The following OAT variants were observed in gnomAD, a reference collection of about 807,000 sequenced individuals.
The protein encoded by OAT is ornithine aminotransferase, mitochondrial.
In OAT, 35 loss-of-function variants were observed where a neutral mutation model predicts 48.4. The ratio of observed to expected loss-of-function variants is 0.72; its 90% CI spans 0.55 to 0.96. The LOEUF is 0.96. Ranked by LOEUF, OAT falls within the 40% of genes least tolerant of loss-of-function variation. OAT has a pLI of 0.00. For missense variants in OAT, 438 were observed against 537.9 expected (o/e 0.81, Z 1.84); for synonymous variants, 182 against 198.4 (o/e 0.92, Z 0.70).
intron 9 of OAT, among the ~76,000 whole-genome samples, chr10:124,399,150 A>T (rs1184798906): frequency 2.6e-5 from 4 of 152,096 alleles, no homozygotes; most frequent in Non-Finnish European, 5.9e-5. Flanking sequence ...TGAACACTAC[A>T]CATTCCAAAA....
chr10:124,416,554 T>C (rs1423173469), intron 1 of OAT, among the ~76,000 whole-genome samples: 1 of 152,196 alleles, frequency 6.6e-6, no homozygotes, highest in East Asian at 1.9e-4. Flanking sequence ...AAATTGCTCT[T>C]GGCAAGCTAG....
At chr10:124,408,035 C>T (rs1434984915) in intron 4 of OAT, among the ~76,000 whole-genome samples, 1 of 151,902 alleles carries the variant, frequency 6.6e-6, no homozygotes, top group African/African-American at 2.4e-5. Flanking sequence ...ACCAGTGAGA[C>T]TATCTAATTA....
In OAT at chr10:124,397,565, G is replaced by A. The variant is rs1183192865; in HGVS notation, c.*377C>T. On this transcript the variant is annotated 3_prime_UTR_variant, in exon 10 of 10. Coordinates refer to ENST00000368845, the MANE Select transcript of OAT (RefSeq NM_000274.4). ...CACTTTATAAGATGAAGCCTTTTAT[G>A]CAATACCCAGAGATAACTTTTTCAA... 2 of 191,948 alleles carry A rather than the reference G, an allele frequency of 1.0e-5. No individual in the cohort carries two copies. The highest frequency in any genetic ancestry group is 2.4e-5 in the African/African-American group (1 of 42,114). 11.9% of individuals were successfully genotyped at this position (191,948 alleles called of 1,614,324 possible). A position where few individuals can be genotyped will look rare whatever the true frequency, so the allele number is the denominator to read the frequency against.
Position 124,398,383 on chromosome 10 carries a change from C to CT in OAT, c.1160-282dup, listed in dbSNP as rs556953764. 3.4e-3 allele frequency among the ~76,000 whole-genome samples: 519 copies of CT among 151,914 alleles called. 5 individuals are homozygous for CT. The highest frequency in any genetic ancestry group is 5.5e-3 in the Non-Finnish European group (372 of 67,996). ...ATTAGCTGGGCATCATGGTGCGCAC[C>CT]TGTAGTCCCAGCTACTCGGGAGACT... On this transcript the variant is annotated intron_variant, in intron 9 of 9. Transcript: ENST00000368845.
intron 7 of OAT, 127 bp downstream of exon 7, chr10:124,402,800 C>A (rs533817470): frequency 2.3e-5 from 29 of 1,249,160 alleles, no homozygotes; most frequent in Non-Finnish European, 3.0e-5. Context: ...TTCCGGGTGG[C>A]CTGCAGCACA....
chr10:124,408,476 A>G, intron 4 of OAT, 66 bp downstream of exon 4: 2 of 1,412,940 alleles, frequency 1.4e-6, no homozygotes, highest in Non-Finnish European at 2.0e-6. Context: ...ATGAGCCACC[A>G]TGCCTGGCCA....
At chr10:124,413,677 C>A (rs1027752130) in intron 1 of OAT, among the ~76,000 whole-genome samples, 1 of 152,090 alleles carries the variant, frequency 6.6e-6, no homozygotes, top group Admixed American at 6.5e-5. Context: ...AGTGAAACTC[C>A]GTCTCAAAAA....
intron 6 of OAT, 80 bp downstream of exon 6, chr10:124,403,718 G>A (rs1416700990): frequency 6.3e-7 from 1 of 1,579,466 alleles, no homozygotes; most frequent in Non-Finnish European, 8.7e-7. Context: ...TCAGAGAGGA[G>A]TTGGGGAGGA....
chr10:124,406,480 G>T (rs529615620), intron 4 of OAT, among the ~76,000 whole-genome samples: 1 of 151,620 alleles, frequency 6.6e-6, no homozygotes, highest in Admixed American at 6.6e-5. Flanking sequence ...GACAGAGCAA[G>T]ACTGTCTCAA....
intron 4 of OAT, among the ~76,000 whole-genome samples, 196 bp downstream of exon 4, chr10:124,408,335 ATATATATATTT>A (rs1374577228): frequency 0.016 from 1,654 of 102,684 alleles, 21 homozygotes; most frequent in African/African-American, 0.039. Flanking sequence ...ATATATATAT[ATATATATATTT>A]TTTTTTTTTT....
chr10:124,408,565 T>C lies in OAT; in HGVS notation c.497A>G (p.Tyr166Cys), dbSNP rs772026311. Reference protein sequence around the residue: ...WGYTVKGIQKYKAKIVFAAGN... With the variant: ...WGYTVKGIQKCKAKIVFAAGN... ...ACCTGCAAAAACAATCTTTGCTTTG[T>C]ATTTCTGAATGCCCTTCACGGTATA... is the stretch of plus-strand genomic sequence containing the variant. The change falls in exon 4 of 10, where the codon TAC becomes TGC. Residue 166 changes from tyrosine to cysteine, a missense_variant. Transcript: ENST00000368845. 2 of 1,612,066 alleles carry C rather than the reference T, an allele frequency of 1.2e-6. No individual in the cohort carries two copies. Among genetic ancestry groups the C allele is most frequent in the Admixed American group, 1.7e-5 (1 of 59,954 alleles).
chr10:124,405,857 A>G lies in OAT; in HGVS notation c.521-294T>C, dbSNP rs945733938. 3.3e-6 allele frequency: 4 copies of G among 1,211,854 alleles called. 1 individual carries two copies. Among genetic ancestry groups the G allele is most frequent in the South Asian group, 3.2e-5 (2 of 62,088 alleles). 75.1% of individuals were successfully genotyped at this position (1,211,854 alleles called of 1,614,324 possible). A position where few individuals can be genotyped will look rare whatever the true frequency, so the allele number is the denominator to read the frequency against. On this transcript the variant is annotated intron_variant, in intron 4 of 9. Coordinates refer to ENST00000368845, the MANE Select transcript of OAT (RefSeq NM_000274.4). ...AGATAGATAACTTACTTTTCTTTCAATAATCCCCAACCCAAAACCAAGCCC... is the reference window on the plus strand; with the variant it reads ...AGATAGATAACTTACTTTTCTTTCAGTAATCCCCAACCCAAAACCAAGCCC...
Position 124,403,116 on chromosome 10 carries a change from C to T in OAT, c.772-61G>A, listed in dbSNP as rs1421374178. The stretch of plus-strand genomic sequence containing the variant: ...CTTTCGTTTCCACAGGGAAAATAGC[C>T]ATCCTTATTTCACTGTCCCCCCACC... On this transcript the variant is annotated intron_variant, in intron 6 of 9. Transcript: ENST00000368845. The T allele has an allele frequency of 3.8e-6, 6 of 1,575,904 alleles. No homozygotes were observed. In the East Asian group the frequency reaches 1.1e-4, roughly 29 times the overall value.
intron 4 of OAT, chr10:124,405,929 A>T (rs1223998427): frequency 8.7e-7 from 1 of 1,151,976 alleles, no homozygotes; most frequent in Middle Eastern, 4.0e-4. Flanking sequence ...AGGTGCATTT[A>T]TGATAGTGAT....
intron 1 of OAT, among the ~76,000 whole-genome samples, chr10:124,415,972 A>T (rs1951907162): frequency 6.6e-6 from 1 of 152,236 alleles, no homozygotes; most frequent in Admixed American, 6.5e-5. Context: ...TTGATAAAAA[A>T]TTAGAAAACA....
At chr10:124,417,148 T>G (rs1244226267) in intron 1 of OAT, among the ~76,000 whole-genome samples, 2 of 152,102 alleles carry the variant, frequency 1.3e-5, no homozygotes, top group African/African-American at 4.8e-5. Flanking sequence ...ATAATACATA[T>G]TAAGACAGCT....
intron 9 of OAT, among the ~76,000 whole-genome samples, chr10:124,398,625 T>A (rs1006005062): frequency 7.0e-6 from 1 of 143,668 alleles, no homozygotes; most frequent in Admixed American, 7.1e-5. Flanking sequence ...TGATTAGACA[T>A]ATCATAGTTT....
intron 1 of OAT, chr10:124,414,901 G>C (rs2134502151): frequency 6.6e-6 from 1 of 151,650 alleles, no homozygotes; most frequent in South Asian, 2.1e-4. Flanking sequence ...AACATAGGGA[G>C]ACCCCATCTC....
chr10:124,403,176 T>G (rs1243574644), intron 6 of OAT, 121 bp from the exon 7 acceptor site: 2 of 1,116,742 alleles, frequency 1.8e-6, no homozygotes, highest in African/African-American at 3.1e-5. Context: ...TGCCCTCAAA[T>G]TTGTAAAAAT....
Sources: allele counts gnomAD v4.1 joint callset (sites outside exome capture counted in the v4.1 genomes callset), GRCh38; gene constraint gnomAD v4.1.1; transcripts MANE v1.5; gene names NCBI Gene and HGNC (gene_info 2026-07-23, HGNC 2026-07-21).